CNTNAP5: variants seen among roughly 807,000 people sequenced by gnomAD.
The protein encoded by CNTNAP5 is contactin associated protein family member 5.
A neutral mutation model predicts 150.2 loss-of-function variants in CNTNAP5; 72 were observed. That is an observed-to-expected ratio of 0.48 (90% CI 0.40 to 0.58). The LOEUF (loss-of-function observed/expected upper bound fraction) is 0.58, where lower values mean the gene tolerates loss of function less well. Ranked by LOEUF, CNTNAP5 falls within the 20% of genes least tolerant of loss-of-function variation. The probability of loss-of-function intolerance (pLI) is 0.00; values close to 1 mark genes in which losing one functional copy is unlikely to be tolerated. For missense variants in CNTNAP5, 1,636 were observed against 1,626.2 expected, an observed-to-expected ratio of 1.01 and a Z score of -0.10; for synonymous variants, 672 against 619.8, an observed-to-expected ratio of 1.08 and a Z score of -1.25.
At chr2:124,088,737 G>A (rs1427063894) in intron 1 of CNTNAP5, among the ~76,000 whole-genome samples, 1 of 152,108 alleles carries the variant, frequency 6.6e-6, no homozygotes, top group East Asian at 1.9e-4. Flanking sequence ...GGCTCTCCAT[G>A]GAGTCTGCCC....
At chr2:124,178,243 G>C (rs1685117392) in intron 1 of CNTNAP5, among the ~76,000 whole-genome samples, 1 of 152,128 alleles carries the variant, frequency 6.6e-6, no homozygotes, top group African/African-American at 2.4e-5. Context: ...TCTCAGTGAT[G>C]TATTTCTTTC....
intron 13 of CNTNAP5, among the ~76,000 whole-genome samples, chr2:124,669,090 C>T (rs184753897): frequency 9.2e-4 from 140 of 152,280 alleles, no homozygotes; most frequent in African/African-American, 3.3e-3. Flanking sequence ...TTTCTGCTCC[C>T]TTTTTATGTG....
intron 11 of CNTNAP5, among the ~76,000 whole-genome samples, chr2:124,586,937 C>T (rs1246523530): frequency 6.6e-6 from 1 of 152,148 alleles, no homozygotes; most frequent in African/African-American, 2.4e-5. Context: ...GGGGAAAATA[C>T]GCAGAGCAAA....
At chr2:124,667,523 C>T (rs147071072) in intron 13 of CNTNAP5, among the ~76,000 whole-genome samples, 41 of 152,290 alleles carry the variant, frequency 2.7e-4, no homozygotes, top group Non-Finnish European at 5.1e-4. Context: ...TCATCAGTAC[C>T]GTTGGGTTTT....
chr2:124,249,065 C>A (rs1055314352), intron 3 of CNTNAP5, among the ~76,000 whole-genome samples: 1 of 152,098 alleles, frequency 6.6e-6, no homozygotes, highest in Non-Finnish European at 1.5e-5. Flanking sequence ...GTCTCCAAAA[C>A]CTAAGCTCTG....
intron 4 of CNTNAP5, among the ~76,000 whole-genome samples, chr2:124,434,276 T>C (rs910216839): frequency 6.6e-6 from 1 of 152,224 alleles, no homozygotes; most frequent in Non-Finnish European, 1.5e-5. Context: ...CAGTTCACTT[T>C]GACTCAGTGT....
At chr2:124,665,195 A>G (rs1286078124) in intron 13 of CNTNAP5, among the ~76,000 whole-genome samples, 1 of 152,376 alleles carries the variant, frequency 6.6e-6, no homozygotes. Context: ...TTCCCTTTTT[A>G]TCTTCTATCT....
At chr2:124,190,709 C>T (rs1266628749) in intron 1 of CNTNAP5, among the ~76,000 whole-genome samples, 4 of 152,206 alleles carry the variant, frequency 2.6e-5, no homozygotes, top group Admixed American at 2.0e-4. Flanking sequence ...TAAGAGATGT[C>T]TATGTCATTG....
intron 3 of CNTNAP5, among the ~76,000 whole-genome samples, chr2:124,390,724 A>C (rs1488025892): frequency 6.6e-6 from 1 of 152,198 alleles, no homozygotes; most frequent in Non-Finnish European, 1.5e-5. Context: ...AGGAAAAATT[A>C]TTTGGCCAAA....
intron 1 of CNTNAP5, among the ~76,000 whole-genome samples, chr2:124,087,762 T>C (rs1682726873): frequency 6.6e-6 from 1 of 151,840 alleles, no homozygotes; most frequent in Admixed American, 6.5e-5. Flanking sequence ...ACTAAAAGTA[T>C]TGTGCTCCCT....
intron 1 of CNTNAP5, among the ~76,000 whole-genome samples, chr2:124,152,215 C>A (rs1450112293): frequency 3.3e-5 from 5 of 152,116 alleles, no homozygotes; most frequent in Admixed American, 6.5e-5. Flanking sequence ...TGTCTAAGTA[C>A]CTTACCTGAG....
intron 3 of CNTNAP5, among the ~76,000 whole-genome samples, chr2:124,345,865 T>C (rs1452095755): frequency 6.6e-6 from 1 of 152,114 alleles, no homozygotes; most frequent in Non-Finnish European, 1.5e-5. Context: ...ACCAATCAGC[T>C]TGAACTAGTT....
At chr2:124,819,469 A>G (rs1682439054) in intron 19 of CNTNAP5, among the ~76,000 whole-genome samples, 1 of 152,150 alleles carries the variant, frequency 6.6e-6, no homozygotes, top group Admixed American at 6.5e-5. Context: ...ATCTGTCATC[A>G]TAATTTCATC....
intron 1 of CNTNAP5, among the ~76,000 whole-genome samples, chr2:124,047,298 T>C (rs1681563627): frequency 6.6e-6 from 1 of 152,238 alleles, no homozygotes; most frequent in Admixed American, 6.5e-5. Flanking sequence ...AGACTGCCTC[T>C]AGGACTTACA....
At chr2:124,786,451 GAAAGAAAGAAAGAAA>G (rs1681591355) in intron 17 of CNTNAP5, among the ~76,000 whole-genome samples, 1 of 92,156 alleles carries the variant, frequency 1.1e-5, no homozygotes, top group African/African-American at 5.3e-5. Context: ...AGGAAGGAAA[GAAAGAAAGAAAGAAA>G]GGAAGGAAGG....
In CNTNAP5 at chr2:124,839,916, C is replaced by G. The variant is rs547038694; in HGVS notation, c.3218-25390C>G. Among the ~76,000 whole-genome samples, 4 of 152,268 alleles carry G rather than the reference C, an allele frequency of 2.6e-5. No individual in the cohort carries two copies. The South Asian group carries it at 6.2e-4, about 24-fold the overall frequency. On this transcript the variant is annotated intron_variant, in intron 19 of 23. Coordinates refer to ENST00000682447, the MANE Select transcript of CNTNAP5 (RefSeq NM_001367498.1). The stretch of plus-strand genomic sequence containing the variant: ...TTTTATTTTTCTTTCAAGGAAAACA[C>G]ACTTGTCTCTTTTTCAACCTTGCCA...
At chr2:124,909,824 G>GATAT (rs1203121251) in intron 22 of CNTNAP5, among the ~76,000 whole-genome samples, 43 of 29,208 alleles carry the variant, frequency 1.5e-3, no homozygotes, top group Middle Eastern at 0.019. Context: ...ATCAATTGGT[G>GATAT]ACATATATAT....
chr2:124,465,276 T>C (rs1558914719), intron 6 of CNTNAP5, among the ~76,000 whole-genome samples: 2 of 152,120 alleles, frequency 1.3e-5, no homozygotes, highest in Non-Finnish European at 2.9e-5. Context: ...CAACAGTAAA[T>C]CCAGCAAGTT....
intron 1 of CNTNAP5, among the ~76,000 whole-genome samples, chr2:124,096,537 A>G (rs1415057635): frequency 6.6e-6 from 1 of 151,980 alleles, no homozygotes; most frequent in Non-Finnish European, 1.5e-5. Flanking sequence ...CCCTCACATG[A>G]CCTTCACATG....
Sources: gnomAD v4.1 joint callset for allele counts (sites outside exome capture counted in the v4.1 genomes callset) on GRCh38, gnomAD v4.1.1 for gene constraint, MANE v1.5 for transcripts, NCBI Gene and HGNC (gene_info 2026-07-23, HGNC 2026-07-21) for gene names.